The following MTUS2 variants were observed in gnomAD, a reference collection of about 807,000 sequenced individuals.
The protein encoded by MTUS2 is microtubule-associated tumor suppressor candidate 2.
In MTUS2, 40 loss-of-function variants were observed where a neutral mutation model predicts 114.1. The ratio of observed to expected loss-of-function variants is 0.35; its 90% CI spans 0.27 to 0.46. The LOEUF is 0.46. Ranked by LOEUF, MTUS2 falls within the 20% of genes least tolerant of loss-of-function variation. MTUS2 has a pLI of 1.00. For missense variants in MTUS2, 1,679 were observed against 1,705.4 expected (o/e 0.98, Z 0.27); for synonymous variants, 688 against 672.0 (o/e 1.02, Z -0.37).
At chr13:29,375,602 T>TAAA (rs1410068819) in intron 8 of MTUS2, among the ~76,000 whole-genome samples, 8 of 4,380 alleles carry the variant, frequency 1.8e-3, no homozygotes, top group African/African-American at 3.9e-3. Context: ...TATATATATA[T>TAAA]ATATACGTAT....
chr13:29,259,315 T>G (rs1897385539), intron 5 of MTUS2, among the ~76,000 whole-genome samples: 1 of 152,124 alleles, frequency 6.6e-6, no homozygotes, highest in Admixed American at 6.5e-5. Context: ...ATGCCTTTAT[T>G]GGAGCACCTC....
chr13:29,310,395 CT>C (rs1263643113), intron 6 of MTUS2, among the ~76,000 whole-genome samples: 1 of 152,186 alleles, frequency 6.6e-6, no homozygotes, highest in African/African-American at 2.4e-5. Context: ...GTAATTACCA[CT>C]TCTACTTTTT....
chr13:29,361,204 G>A lies in MTUS2; in HGVS notation c.3117+1731G>A, dbSNP rs1427774243. On this transcript the variant is annotated intron_variant, in intron 8 of 15. Coordinates refer to ENST00000612955, the MANE Select transcript of MTUS2 (RefSeq NM_001033602.4). ...TCAAACCAGAGACCAACAGCGGCTG[G>A]CAGGTGATTTGCAGGCATCTCCACT... Among the ~76,000 whole-genome samples, 5 of 152,274 alleles carry A rather than the reference G, an allele frequency of 3.3e-5. No individual in the cohort carries two copies. The East Asian group carries it at 9.7e-4, about 29-fold the overall frequency.
intron 5 of MTUS2, among the ~76,000 whole-genome samples, chr13:29,236,580 C>T (rs1045468324): frequency 1.3e-5 from 2 of 152,200 alleles, no homozygotes; most frequent in Admixed American, 1.3e-4. Flanking sequence ...AGCCCAAATC[C>T]AATTCAGTAT....
intron 11 of MTUS2, among the ~76,000 whole-genome samples, chr13:29,491,770 GATGT>G (rs1219097192): frequency 4.1e-5 from 6 of 146,398 alleles, no homozygotes; most frequent in African/African-American, 1.3e-4. Context: ...GTATGTGTGT[GATGT>G]ATGTATGTGC....
At chr13:29,235,486 G>T (rs527523560) in intron 5 of MTUS2, among the ~76,000 whole-genome samples, 2 of 152,266 alleles carry the variant, frequency 1.3e-5, no homozygotes, top group South Asian at 4.1e-4. Flanking sequence ...AAATAGTGAT[G>T]TTAAATTATT....
chr13:29,287,680 T>A lies in MTUS2; in HGVS notation c.2806+5815T>A, dbSNP rs144789214. On this transcript the variant is annotated intron_variant, in intron 6 of 15. Coordinates refer to ENST00000612955, the MANE Select transcript of MTUS2 (RefSeq NM_001033602.4). ...TTCAAGCTGCCCTACAGGCATCTGA[T>A]ATTTACTAGACTTGCTTTCCTAGGT... Among the ~76,000 whole-genome samples the A allele has an allele frequency of 3.3e-5, 5 of 152,382 alleles. No homozygotes were observed. In the East Asian group the frequency reaches 7.7e-4, roughly 23 times the overall value.
intron 2 of MTUS2, among the ~76,000 whole-genome samples, chr13:28,840,902 A>T (rs919051532): frequency 1.1e-4 from 16 of 152,242 alleles, no homozygotes; most frequent in African/African-American, 3.9e-4. Context: ...TTTAGGGCTA[A>T]AACTGGGAAA....
chr13:29,024,691 G>C lies in MTUS2; in HGVS notation c.-8G>C, dbSNP rs1247203141. On this transcript the variant is annotated 5_prime_UTR_variant, in exon 3 of 16. Transcript: ENST00000612955. ...TGCATGGCAAGCAGCCCCACCAAAG[G>C]GTTGACAATGAGCGTCCCAGTGGCT... 3.1e-6 allele frequency: 5 copies of C among 1,612,938 alleles called. No individual in the cohort carries two copies. Among genetic ancestry groups the C allele is most frequent in the Non-Finnish European group, 4.2e-6 (5 of 1,179,400 alleles).
intron 1 of MTUS2, among the ~76,000 whole-genome samples, chr13:28,837,260 A>G (rs1381398641): frequency 6.6e-6 from 1 of 152,232 alleles, no homozygotes; most frequent in Non-Finnish European, 1.5e-5. Flanking sequence ...TCTATGTTTA[A>G]CAAATTCTCT....
intron 5 of MTUS2, among the ~76,000 whole-genome samples, chr13:29,193,757 T>G (rs944795531): frequency 7.2e-5 from 11 of 152,126 alleles, no homozygotes; most frequent in South Asian, 2.1e-4. Context: ...AAAGTTCATG[T>G]GGAACCAAAA....
chr13:28,887,950 C>G (rs1380164026), intron 2 of MTUS2, among the ~76,000 whole-genome samples: 1 of 152,178 alleles, frequency 6.6e-6, no homozygotes, highest in Non-Finnish European at 1.5e-5. Flanking sequence ...CCCACTTTGC[C>G]ATTTCTACTT....
chr13:29,470,257 A>G (rs887898273), intron 9 of MTUS2, among the ~76,000 whole-genome samples: 2 of 152,214 alleles, frequency 1.3e-5, no homozygotes, highest in African/African-American at 4.8e-5. Flanking sequence ...AGGTGATACT[A>G]TCACTAATCA....
intron 8 of MTUS2, among the ~76,000 whole-genome samples, chr13:29,361,487 A>G (rs1454040992): frequency 2.6e-5 from 4 of 152,178 alleles, no homozygotes; most frequent in African/African-American, 9.7e-5. Context: ...TAAAGTCCTA[A>G]TTGAACATAA....
chr13:28,895,979 C>G (rs1038993527), intron 2 of MTUS2, among the ~76,000 whole-genome samples: 1 of 151,994 alleles, frequency 6.6e-6, no homozygotes, highest in African/African-American at 2.4e-5. Flanking sequence ...AATTTTAAAT[C>G]TATTTTAAAT....
chr13:29,341,347 T>A (rs1191493490), intron 7 of MTUS2, among the ~76,000 whole-genome samples: 1 of 152,198 alleles, frequency 6.6e-6, no homozygotes, highest in Non-Finnish European at 1.5e-5. Context: ...TGGCCATTCT[T>A]GCAGGAGTAA....
chr13:28,826,218 A>G (rs1011004187), intron 1 of MTUS2, among the ~76,000 whole-genome samples: 1 of 152,210 alleles, frequency 6.6e-6, no homozygotes, highest in African/African-American at 2.4e-5. Context: ...GATTTTCCAG[A>G]TAGATGGTCA....
rs113127735 is a variant in MTUS2 at position 28,982,134 on chromosome 13, G to C, written c.-242-42323G>C. Among the ~76,000 whole-genome samples, 326 of 152,274 alleles carry C rather than the reference G, an allele frequency of 2.1e-3. 2 individuals are homozygous for C. The highest frequency in any genetic ancestry group is 7.4e-3 in the African/African-American group (309 of 41,538). ...ATGTTTAGATGGGCAAGAACAGAAGGTTCCACAGGTAAGTAGGGTGCAGGG... is the reference window on the plus strand; with the variant it reads ...ATGTTTAGATGGGCAAGAACAGAAGCTTCCACAGGTAAGTAGGGTGCAGGG... On this transcript the variant is annotated intron_variant, in intron 2 of 15. Transcript: ENST00000612955.
intron 5 of MTUS2, among the ~76,000 whole-genome samples, chr13:29,227,731 A>C (rs1038907978): frequency 1.3e-5 from 2 of 152,138 alleles, no homozygotes; most frequent in Non-Finnish European, 2.9e-5. Flanking sequence ...GCTGTTGCAC[A>C]CTCCACCAAA....
Sources: allele counts gnomAD v4.1 joint callset (sites outside exome capture counted in the v4.1 genomes callset), GRCh38; gene constraint gnomAD v4.1.1; transcripts MANE v1.5; gene names NCBI Gene and HGNC (gene_info 2026-07-23, HGNC 2026-07-21).